Variants in SYN3 observed in about 807,000 individuals in gnomAD.
SYN3 encodes synapsin-3.
Under a neutral mutation model 65.8 loss-of-function variants are expected in SYN3, and 35 were observed. The observed-to-expected ratio is 0.53, with a 90% CI of 0.41 to 0.70. The LOEUF is 0.70. SYN3 is among the 30% of genes least tolerant of loss of function. SYN3 has a pLI of 0.00. For synonymous variants in SYN3, 270 were observed against 292.9 expected (o/e 0.92, Z 0.80); for missense variants, 680 against 749.0 (o/e 0.91, Z 1.08).
At chr22:32,813,350 A>G (rs1267589606) in intron 6 of SYN3, among the ~76,000 whole-genome samples, 1 of 152,182 alleles carries the variant, frequency 6.6e-6, no homozygotes, top group Non-Finnish European at 1.5e-5. Context: ...TGAACCGTAC[A>G]GTCCAGGTCC....
intron 6 of SYN3, among the ~76,000 whole-genome samples, chr22:32,684,939 A>G (rs2060570814): frequency 6.6e-6 from 1 of 152,196 alleles, no homozygotes; most frequent in Non-Finnish European, 1.5e-5. Context: ...GGACGAAATG[A>G]GATAAAGTAG....
At chr22:32,587,786 A>G (rs531861948) in intron 7 of SYN3, among the ~76,000 whole-genome samples, 1 of 152,146 alleles carries the variant, frequency 6.6e-6, no homozygotes, top group African/African-American at 2.4e-5. Flanking sequence ...CCCTCTCATC[A>G]CCCGGAACAG....
intron 6 of SYN3, among the ~76,000 whole-genome samples, chr22:32,788,826 G>T (rs1255877909): frequency 6.6e-6 from 1 of 152,188 alleles, no homozygotes; most frequent in Non-Finnish European, 1.5e-5. Context: ...AGTCATTACG[G>T]ACTTCTAGAA....
chr22:32,610,727 C>T (rs1172704586), intron 6 of SYN3, among the ~76,000 whole-genome samples: 3 of 152,170 alleles, frequency 2.0e-5, no homozygotes, highest in Non-Finnish European at 2.9e-5. Context: ...GGATTACAGG[C>T]GCATGCCACC....
intron 2 of SYN3, among the ~76,000 whole-genome samples, chr22:32,994,979 CT>C (rs1452194112): frequency 1.3e-5 from 2 of 152,184 alleles, no homozygotes; most frequent in Non-Finnish European, 2.9e-5. Flanking sequence ...TTCCATGACC[CT>C]GCCTTCCTGC....
chr22:33,032,641 G>A (rs981079072), intron 1 of SYN3, among the ~76,000 whole-genome samples: 7 of 152,014 alleles, frequency 4.6e-5, no homozygotes, highest in Non-Finnish European at 1.0e-4. Context: ...ATAAAATCCT[G>A]TTAAATTTTT....
At chr22:32,951,623 A>C (rs981804830) in intron 3 of SYN3, among the ~76,000 whole-genome samples, 1 of 152,186 alleles carries the variant, frequency 6.6e-6, no homozygotes, top group African/African-American at 2.4e-5. Flanking sequence ...GATAAGACTT[A>C]AGGAAGCACA....
At chr22:32,832,320 TAA>T (rs764701139) in intron 6 of SYN3, among the ~76,000 whole-genome samples, 68 of 152,266 alleles carry the variant, frequency 4.5e-4, no homozygotes, top group African/African-American at 1.6e-3. Context: ...GTTAGAAATA[TAA>T]AGTGATGGGA....
At chr22:32,850,322 A>G (rs1053812609) in intron 6 of SYN3, among the ~76,000 whole-genome samples, 8 of 151,840 alleles carry the variant, frequency 5.3e-5, no homozygotes, top group African/African-American at 1.9e-4. Context: ...ACCTGTTAAC[A>G]GTGTGGGGTT....
At chr22:32,545,855 C>T (rs2058329479) in intron 7 of SYN3, among the ~76,000 whole-genome samples, 1 of 152,322 alleles carries the variant, frequency 6.6e-6, no homozygotes, top group South Asian at 2.1e-4. Flanking sequence ...GCCCGGGTAT[C>T]TTATACACAG....
At chr22:33,035,335 C>CCCA (rs1378464627) in intron 1 of SYN3, among the ~76,000 whole-genome samples, 1 of 75,684 alleles carries the variant, frequency 1.3e-5, no homozygotes, top group South Asian at 7.4e-4. Context: ...TCGGGACCCC[C>CCCA]CCCCCCCCCG....
chr22:32,605,821 T>A (rs1160404524), intron 6 of SYN3, among the ~76,000 whole-genome samples: 1 of 152,122 alleles, frequency 6.6e-6, no homozygotes, highest in African/African-American at 2.4e-5. Flanking sequence ...CAGGGCAAGG[T>A]GGCAGCAGCA....
At chr22:32,990,423 T>G (rs571669408) in intron 2 of SYN3, among the ~76,000 whole-genome samples, 2 of 139,342 alleles carry the variant, frequency 1.4e-5, no homozygotes, top group East Asian at 2.0e-4. Flanking sequence ...CATCCATCCA[T>G]CCATCCATCC....
At chr22:33,038,786 A>T (rs918042221) in intron 1 of SYN3, among the ~76,000 whole-genome samples, 1 of 152,210 alleles carries the variant, frequency 6.6e-6, no homozygotes, top group African/African-American at 2.4e-5. Flanking sequence ...CTTAAGAGTC[A>T]GATTAGAACT....
At chr22:32,568,056 C>G (rs761608194) in intron 7 of SYN3, among the ~76,000 whole-genome samples, 6 of 152,174 alleles carry the variant, frequency 3.9e-5, no homozygotes, top group African/African-American at 1.4e-4. Flanking sequence ...AAGCTCCTCA[C>G]GGGACAGGCA....
At chr22:32,842,936 G>A (rs1569268937) in intron 6 of SYN3, among the ~76,000 whole-genome samples, 1 of 152,282 alleles carries the variant, frequency 6.6e-6, no homozygotes, top group Non-Finnish European at 1.5e-5. Context: ...AGCTTATCAA[G>A]GGTCCTTCCT....
intron 6 of SYN3, among the ~76,000 whole-genome samples, chr22:32,637,325 C>T (rs2059830177): frequency 6.6e-6 from 1 of 152,100 alleles, no homozygotes; most frequent in African/African-American, 2.4e-5. Context: ...GATGACGGTC[C>T]CACCATCATA....
intron 6 of SYN3, among the ~76,000 whole-genome samples, chr22:32,740,750 A>G (rs553702933): frequency 2.0e-4 from 30 of 152,302 alleles, no homozygotes; most frequent in African/African-American, 7.2e-4. Flanking sequence ...CCTTTTCTTG[A>G]ATTACAGCCA....
chr22:32,954,965 T>G (rs2051405991), intron 3 of SYN3, among the ~76,000 whole-genome samples: 1 of 151,018 alleles, frequency 6.6e-6, no homozygotes, highest in African/African-American at 2.5e-5. Flanking sequence ...CTTTTCATTT[T>G]AAAGGTCCAA....
Sources: allele counts gnomAD v4.1 joint callset (sites outside exome capture counted in the v4.1 genomes callset), GRCh38; gene constraint gnomAD v4.1.1; transcripts MANE v1.5; gene names NCBI Gene and HGNC (gene_info 2026-07-23, HGNC 2026-07-21).